Variants in PDE4B observed in about 807,000 individuals in gnomAD.
PDE4B encodes 3',5'-cyclic-AMP phosphodiesterase 4B.
PDE4B carries 20 observed loss-of-function variants against 82.2 expected under a neutral mutation model. The observed-to-expected ratio is 0.24, with a 90% confidence interval of 0.17 to 0.35. PDE4B has a LOEUF of 0.35. PDE4B is among the 10% of genes least tolerant of loss of function. The probability of loss-of-function intolerance (pLI) is 1.00; values close to 1 mark genes in which losing one functional copy is unlikely to be tolerated. For synonymous variants in PDE4B, 320 were observed against 318.9 expected (o/e 1.00, Z -0.04); for missense variants, 655 against 907.2 (o/e 0.72, Z 3.57).
intron 1 of PDE4B, among the ~76,000 whole-genome samples, chr1:65,850,303 G>A (rs1253898697): frequency 1.3e-5 from 2 of 151,798 alleles, no homozygotes; most frequent in African/African-American, 4.8e-5. Context: ...CACCATGTTG[G>A]CCAAGCTGGT....
chr1:66,038,516 G>A (rs1245390495), intron 3 of PDE4B, among the ~76,000 whole-genome samples: 1 of 151,960 alleles, frequency 6.6e-6, no homozygotes, highest in African/African-American at 2.4e-5. Context: ...AGTTCAAGGG[G>A]AAGGATTCAG....
chr1:66,053,150 T>C (rs958042972), intron 3 of PDE4B, among the ~76,000 whole-genome samples: 2 of 152,232 alleles, frequency 1.3e-5, no homozygotes, highest in African/African-American at 2.4e-5. Context: ...CATTTATCTT[T>C]CCTGAAATGC....
At chr1:66,082,242 G>C (rs1422921851) in intron 3 of PDE4B, among the ~76,000 whole-genome samples, 1 of 151,934 alleles carries the variant, frequency 6.6e-6, no homozygotes, top group African/African-American at 2.4e-5. Context: ...CACATCTACT[G>C]TCCTCTACTG....
In PDE4B at chr1:66,210,808, CT is replaced by C. The variant is rs544766390; in HGVS notation, c.282-36651del. ...AAAAATCAATCTGTTGCAGACACTG[CT>C]GTCACAGCTACTGACATTAGACTCA... is the stretch of plus-strand genomic sequence containing the variant. On this transcript the variant is annotated intron_variant, in intron 3 of 16. Coordinates refer to ENST00000341517, the MANE Select transcript of PDE4B (RefSeq NM_002600.4). Among the ~76,000 whole-genome samples the C allele has an allele frequency of 6.6e-4, 101 of 152,230 alleles. 1 individual carries two copies. Among genetic ancestry groups the C allele is most frequent in the Non-Finnish European group, 1.1e-3 (72 of 68,004 alleles).
At chr1:66,204,106 G>A (rs1159307319) in intron 3 of PDE4B, among the ~76,000 whole-genome samples, 1 of 152,208 alleles carries the variant, frequency 6.6e-6, no homozygotes, top group Non-Finnish European at 1.5e-5. Context: ...GTTTGCTAGA[G>A]GTCCATTCCA....
At chr1:66,197,385 G>A (rs1648415651) in intron 3 of PDE4B, among the ~76,000 whole-genome samples, 1 of 151,966 alleles carries the variant, frequency 6.6e-6, no homozygotes, top group Admixed American at 6.6e-5. Context: ...AAACTAAAAG[G>A]CAAAATAACT....
Position 66,316,276 on chromosome 1 carries a change from T to C in PDE4B, c.635-16232T>C, listed in dbSNP as rs139955853. ...ATTAATATTCCCTTGTTTACTACTA[T>C]TTCAAATAATACAAATTCACATAAT... On this transcript the variant is annotated intron_variant, in intron 7 of 16. Coordinates refer to ENST00000341517, the MANE Select transcript of PDE4B (RefSeq NM_002600.4). Among the ~76,000 whole-genome samples, 13 of 152,362 alleles carry C rather than the reference T, an allele frequency of 8.5e-5. No individual in the cohort carries two copies. In the East Asian group the frequency reaches 2.5e-3, roughly 29 times the overall value.
chr1:66,333,692 C>A (rs188326304), intron 8 of PDE4B, among the ~76,000 whole-genome samples: 6 of 152,276 alleles, frequency 3.9e-5, no homozygotes, highest in African/African-American at 1.2e-4. Context: ...GGTAAAAGTA[C>A]CACCTTTGGA....
intron 3 of PDE4B, among the ~76,000 whole-genome samples, chr1:66,037,079 G>A (rs1654105554): frequency 6.9e-6 from 1 of 145,344 alleles, no homozygotes; most frequent in African/African-American, 2.6e-5. Flanking sequence ...GTTGCAGTGA[G>A]CCAAGATCAC....
intron 3 of PDE4B, among the ~76,000 whole-genome samples, chr1:65,939,244 T>C (rs1427545875): frequency 6.6e-6 from 1 of 152,144 alleles, no homozygotes; most frequent in African/African-American, 2.4e-5. Flanking sequence ...GAAAATAGAC[T>C]ACTTTTCAGC....
chr1:65,982,490 A>G (rs1377097995), intron 3 of PDE4B, among the ~76,000 whole-genome samples: 4 of 152,160 alleles, frequency 2.6e-5, no homozygotes. Context: ...AGAGCATCAA[A>G]AGTGTGACTA....
intron 7 of PDE4B, among the ~76,000 whole-genome samples, chr1:66,287,006 A>G (rs1656724298): frequency 6.6e-6 from 1 of 152,160 alleles, no homozygotes; most frequent in African/African-American, 2.4e-5. Context: ...GTCACAACAC[A>G]TTCAAAATGC....
At chr1:66,144,262 T>C (rs1427478146) in intron 3 of PDE4B, among the ~76,000 whole-genome samples, 1 of 152,220 alleles carries the variant, frequency 6.6e-6, no homozygotes, top group African/African-American at 2.4e-5. Flanking sequence ...CAAATATTTA[T>C]TTATTTATTG....
intron 3 of PDE4B, among the ~76,000 whole-genome samples, chr1:66,088,991 A>G (rs971216891): frequency 3.3e-5 from 5 of 152,088 alleles, no homozygotes; most frequent in South Asian, 2.1e-4. Context: ...CACATTAGAC[A>G]CGTAGTGAGA....
At chr1:66,319,907 A>G (rs1226964514) in intron 7 of PDE4B, among the ~76,000 whole-genome samples, 1 of 152,150 alleles carries the variant, frequency 6.6e-6, no homozygotes, top group Non-Finnish European at 1.5e-5. Flanking sequence ...ATAAAGTCAG[A>G]TTCCTTAATC....
At chr1:66,078,803 G>A (rs1455011862) in intron 3 of PDE4B, among the ~76,000 whole-genome samples, 2 of 152,024 alleles carry the variant, frequency 1.3e-5, no homozygotes, top group East Asian at 1.9e-4. Context: ...TATGAAAAGC[G>A]CATAATACGT....
chr1:66,352,916 G>C (rs926474705), intron 8 of PDE4B, among the ~76,000 whole-genome samples: 1 of 152,184 alleles, frequency 6.6e-6, no homozygotes, highest in Non-Finnish European at 1.5e-5. Context: ...CCTAAGTCTA[G>C]TGCAGAGAAA....
intron 3 of PDE4B, among the ~76,000 whole-genome samples, chr1:66,067,690 T>G (rs1405582379): frequency 6.6e-6 from 1 of 152,122 alleles, no homozygotes; most frequent in African/African-American, 2.4e-5. Flanking sequence ...TTCTTTAGTT[T>G]AATTAGATTC....
intron 3 of PDE4B, among the ~76,000 whole-genome samples, chr1:66,056,672 A>G (rs549622783): frequency 2.8e-4 from 42 of 151,520 alleles, no homozygotes; most frequent in African/African-American, 1.0e-3. Context: ...AAGACCTTTT[A>G]TGCCTTTCCT....
Sources: allele counts gnomAD v4.1 joint callset (sites outside exome capture counted in the v4.1 genomes callset), GRCh38; gene constraint gnomAD v4.1.1; transcripts MANE v1.5; gene names NCBI Gene and HGNC (gene_info 2026-07-23, HGNC 2026-07-21).